CAMK1D: variants seen among roughly 807,000 people sequenced by gnomAD.
CAMK1D encodes the protein calcium/calmodulin-dependent protein kinase type 1D.
In CAMK1D, 9 loss-of-function variants were observed where a neutral mutation model predicts 47.7. That is an observed-to-expected ratio of 0.19 (90% confidence interval 0.11 to 0.33). The LOEUF (loss-of-function observed/expected upper bound fraction) is 0.33, where lower values mean the gene tolerates loss of function less well. CAMK1D is among the 10% of genes least tolerant of loss of function. The pLI, the probability that CAMK1D is intolerant of heterozygous loss-of-function variation, is 1.00. For missense variants in CAMK1D, 291 were observed against 488.7 expected, an observed-to-expected ratio of 0.60 and a Z score of 3.81; for synonymous variants, 184 against 184.9, an observed-to-expected ratio of 0.99 and a Z score of 0.04.
chr10:12,772,642 G>A (rs532832840), intron 5 of CAMK1D, among the ~76,000 whole-genome samples: 1 of 152,218 alleles, frequency 6.6e-6, no homozygotes, highest in South Asian at 2.1e-4. Context: ...TGGCACTGAC[G>A]TGTCGGGAAT....
At chr10:12,542,627 G>A (rs2132248441) in intron 1 of CAMK1D, among the ~76,000 whole-genome samples, 1 of 152,284 alleles carries the variant, frequency 6.6e-6, no homozygotes, top group East Asian at 1.9e-4. Context: ...TAAGAGTTTT[G>A]GAGCACCTAA....
At chr10:12,533,144 G>T (rs1245934546) in intron 1 of CAMK1D, among the ~76,000 whole-genome samples, 1 of 152,112 alleles carries the variant, frequency 6.6e-6, no homozygotes, top group Non-Finnish European at 1.5e-5. Context: ...TCCATGATGG[G>T]ATTATTACGC....
chr10:12,825,070 A>G (rs1833148091), intron 9 of CAMK1D, among the ~76,000 whole-genome samples: 1 of 12,338 alleles, frequency 8.1e-5, no homozygotes, highest in South Asian at 2.0e-3. Context: ...GTGAAAGATG[A>G]GACGGAAACA....
chr10:12,550,876 G>A (rs575856730), intron 1 of CAMK1D, among the ~76,000 whole-genome samples: 79 of 152,332 alleles, frequency 5.2e-4, no homozygotes, highest in South Asian at 2.7e-3. Flanking sequence ...CAGTGGGAAC[G>A]CTGTCCTGAA....
At chr10:12,469,552 A>C (rs930542745) in intron 1 of CAMK1D, among the ~76,000 whole-genome samples, 9 of 152,208 alleles carry the variant, frequency 5.9e-5, no homozygotes, top group Non-Finnish European at 1.0e-4. Flanking sequence ...CTTCCCCAGG[A>C]ATGACTAATT....
chr10:12,482,053 T>G (rs1384595372), intron 1 of CAMK1D, among the ~76,000 whole-genome samples: 2 of 152,256 alleles, frequency 1.3e-5, no homozygotes, highest in East Asian at 3.8e-4. Flanking sequence ...TTACCTCCAC[T>G]GTAATGAAAT....
At chr10:12,450,970 C>T (rs1464385301) in intron 1 of CAMK1D, among the ~76,000 whole-genome samples, 1 of 152,138 alleles carries the variant, frequency 6.6e-6, no homozygotes, top group African/African-American at 2.4e-5. Flanking sequence ...CTGTGAGAAC[C>T]AGCTTTGAAG....
At position 12,811,235 on chromosome 10, in the gene CAMK1D, C is replaced by T. The variant is rs12263152; in HGVS notation, c.642-2960C>T. On this transcript the variant is annotated intron_variant, in intron 6 of 10. Transcript: ENST00000619168. ...TAAACGGTTGGATATGTAAAAGAAGCCACACTTCTGGAACATTCGTTAACA... is the reference window on the plus strand; with the variant it reads ...TAAACGGTTGGATATGTAAAAGAAGTCACACTTCTGGAACATTCGTTAACA... 6.2e-3 allele frequency among the ~76,000 whole-genome samples: 947 copies of T among 152,292 alleles called. 17 individuals carry two copies. The highest frequency in any genetic ancestry group is 0.022 in the African/African-American group (905 of 41,554).
chr10:12,587,736 C>T (rs1036763299), intron 2 of CAMK1D, among the ~76,000 whole-genome samples: 1 of 152,124 alleles, frequency 6.6e-6, no homozygotes, highest in Non-Finnish European at 1.5e-5. Flanking sequence ...CTCCTATTTA[C>T]ATATCATTTT....
At chr10:12,593,348 G>A (rs921416360) in intron 2 of CAMK1D, among the ~76,000 whole-genome samples, 4 of 152,140 alleles carry the variant, frequency 2.6e-5, no homozygotes, top group African/African-American at 4.8e-5. Context: ...CCAGCACTTC[G>A]GGAGGCCAAG....
chr10:12,461,129 G>A (rs757978799), intron 1 of CAMK1D, among the ~76,000 whole-genome samples: 1 of 152,148 alleles, frequency 6.6e-6, no homozygotes, highest in African/African-American at 2.4e-5. Flanking sequence ...GGACAGGATC[G>A]TCCTCATCCA....
intron 1 of CAMK1D, among the ~76,000 whole-genome samples, chr10:12,458,880 CTTTT>C (rs35804649): frequency 8.3e-6 from 1 of 120,672 alleles, no homozygotes; most frequent in Non-Finnish European, 1.7e-5. Flanking sequence ...CCTTTCTTTC[CTTTT>C]TTTTTTTTTT....
intron 3 of CAMK1D, among the ~76,000 whole-genome samples, chr10:12,690,143 T>C (rs1478601366): frequency 6.6e-6 from 1 of 152,210 alleles, no homozygotes; most frequent in East Asian, 1.9e-4. Flanking sequence ...AGGCCTTGTG[T>C]TGAACGCCTG....
At chr10:12,704,729 G>A (rs1361380740) in intron 3 of CAMK1D, among the ~76,000 whole-genome samples, 1 of 152,142 alleles carries the variant, frequency 6.6e-6, no homozygotes, top group Non-Finnish European at 1.5e-5. Context: ...ATCTGCGATG[G>A]CAAACATTGT....
At chr10:12,737,977 A>T (rs1360166189) in intron 3 of CAMK1D, among the ~76,000 whole-genome samples, 1 of 152,220 alleles carries the variant, frequency 6.6e-6, no homozygotes, top group Non-Finnish European at 1.5e-5. Context: ...TTAAAATAAT[A>T]TACTCAGTGT....
At chr10:12,654,508 G>C (rs7091892) in intron 2 of CAMK1D, among the ~76,000 whole-genome samples, 64,754 of 152,092 alleles carry the variant, frequency 0.43, 16,400 homozygotes, top group Non-Finnish European at 0.55. Context: ...GGAAATGACA[G>C]TATTCCTTTA....
At chr10:12,553,705 G>A (rs566756963) in intron 2 of CAMK1D, among the ~76,000 whole-genome samples, 8 of 152,304 alleles carry the variant, frequency 5.3e-5, no homozygotes, top group Admixed American at 5.2e-4. Context: ...CCCTGGCAGG[G>A]TGTTGTAAAG....
intron 1 of CAMK1D, among the ~76,000 whole-genome samples, chr10:12,355,130 A>G (rs935542894): frequency 1.3e-5 from 2 of 152,132 alleles, no homozygotes; most frequent in Non-Finnish European, 1.5e-5. Flanking sequence ...GGCACGGGCC[A>G]CTGCACTTAG....
intron 3 of CAMK1D, among the ~76,000 whole-genome samples, chr10:12,746,139 G>A (rs1015826470): frequency 6.6e-6 from 1 of 152,062 alleles, no homozygotes; most frequent in African/African-American, 2.4e-5. Flanking sequence ...CGAGGCGGAC[G>A]GATCCGCATG....
Sources: gnomAD v4.1 joint callset for allele counts (sites outside exome capture counted in the v4.1 genomes callset) on GRCh38, gnomAD v4.1.1 for gene constraint, MANE v1.5 for transcripts, NCBI Gene and HGNC (gene_info 2026-07-23, HGNC 2026-07-21) for gene names.